Variants in SOS1 observed in about 807,000 individuals in gnomAD.
SOS1 encodes the protein SOS Ras/Rac guanine nucleotide exchange factor 1, also known as son of sevenless homolog 1.
A neutral mutation model predicts 157.6 loss-of-function variants in SOS1; 25 were observed. The ratio of observed to expected loss-of-function variants is 0.16; its 90% CI spans 0.12 to 0.22. The LOEUF (loss-of-function observed/expected upper bound fraction) is 0.22, where lower values mean the gene tolerates loss of function less well. Ranked by LOEUF, SOS1 falls within the 10% of genes least tolerant of loss-of-function variation. The probability of loss-of-function intolerance (pLI) is 1.00; values close to 1 mark genes in which losing one functional copy is unlikely to be tolerated. For synonymous variants in SOS1, 528 were observed against 534.0 expected, an observed-to-expected ratio of 0.99 and a Z score of 0.16; for missense variants, 1,237 against 1,599.1, an observed-to-expected ratio of 0.77 and a Z score of 3.86.
chr2:39,045,928 G>A (rs983339863), intron 6 of SOS1, among the ~76,000 whole-genome samples: 43 of 152,000 alleles, frequency 2.8e-4, no homozygotes, highest in Admixed American at 2.8e-3. Flanking sequence ...TGGCCAGGCT[G>A]GTCTCAAACT....
upstream of SOS1, among the ~76,000 whole-genome samples, chr2:39,122,561 G>C (rs1018440520): frequency 1.4e-4 from 21 of 152,090 alleles, no homozygotes; most frequent in African/African-American, 5.1e-4. Flanking sequence ...TTGAGTTCAG[G>C]AGTTTGAGAC....
intron 1 of SOS1, among the ~76,000 whole-genome samples, chr2:39,079,692 A>C (rs1672135850): frequency 6.6e-6 from 1 of 151,892 alleles, no homozygotes; most frequent in Admixed American, 6.6e-5. Flanking sequence ...ACAGAGTTTC[A>C]CCATGTTGGT....
rs746273555 is a variant in SOS1 at position 38,997,080 on chromosome 2, A to C, written c.2965-42T>G. ...GAAAAAATTATTAATATTCAAAATT[A>C]TAAATTCAGTTTGAAATTCATGGAA... On this transcript the variant is annotated intron_variant, in intron 18 of 22. Coordinates refer to ENST00000402219, the MANE Select transcript of SOS1 (RefSeq NM_005633.4). The C allele has an allele frequency of 3.4e-5, 39 of 1,149,748 alleles. No homozygotes were observed. The East Asian group carries it at 5.6e-4, about 17-fold the overall frequency. The allele number at this position is 1,149,748 out of a possible 1,614,324, so 71.2% of individuals were successfully genotyped here.
chr2:39,067,130 C>A lies in SOS1; in HGVS notation c.213+498G>T, dbSNP rs550540272. ...GGCTCAAGTGATCCTCCTGACTCAG[C>A]GTCCTGAGTAGCTGGGACTACAGGC... On this transcript the variant is annotated intron_variant, in intron 2 of 22. Transcript: ENST00000402219. Among the ~76,000 whole-genome samples the A allele has an allele frequency of 7.2e-5, 11 of 152,256 alleles. 1 individual carries two copies. In the East Asian group the frequency reaches 1.9e-3, roughly 27 times the overall value.
intron 3 of SOS1, among the ~76,000 whole-genome samples, chr2:39,057,614 A>C (rs746821840): frequency 3.9e-5 from 6 of 152,270 alleles, no homozygotes; most frequent in South Asian, 2.1e-4. Context: ...GGGTATCATG[A>C]TAAAGGTGTA....
At chr2:39,083,846 ATTG>A (rs1455401005) in intron 1 of SOS1, among the ~76,000 whole-genome samples, 1 of 152,150 alleles carries the variant, frequency 6.6e-6, no homozygotes, top group Non-Finnish European at 1.5e-5. Flanking sequence ...GTGGAATATG[ATTG>A]TTATGGGCTG....
intron 6 of SOS1, among the ~76,000 whole-genome samples, chr2:39,050,600 T>G (rs547577371): frequency 5.7e-4 from 87 of 152,338 alleles, no homozygotes; most frequent in African/African-American, 1.9e-3. Flanking sequence ...ATCCCAAATC[T>G]GAAATGCTCC....
At chr2:39,082,158 C>T (rs1401478555) in intron 1 of SOS1, among the ~76,000 whole-genome samples, 1 of 152,172 alleles carries the variant, frequency 6.6e-6, no homozygotes, top group Non-Finnish European at 1.5e-5. Flanking sequence ...ATTCTAATTA[C>T]TTTTTGTACC....
chr2:39,112,972 G>A (rs1178773801), intron 1 of SOS1, among the ~76,000 whole-genome samples: 2 of 151,790 alleles, frequency 1.3e-5, no homozygotes, highest in Non-Finnish European at 2.9e-5. Flanking sequence ...GGAGGTGGAG[G>A]CTACAGTGAG....
rs1471459621 is a variant in SOS1, at chr2:39,046,770, T to C, written c.864+4374A>G. ...TGCCCACCTTGGCCTCCCAAAGTGC[T>C]GGGATTACAGGTGCAAGCCACCGGC... On this transcript the variant is annotated intron_variant, in intron 6 of 22. Transcript: ENST00000402219. Among the ~76,000 whole-genome samples the C allele has an allele frequency of 2.6e-5, 4 of 152,308 alleles. No homozygotes were observed. In the East Asian group the frequency reaches 7.7e-4, roughly 29 times the overall value.
intron 8 of SOS1, among the ~76,000 whole-genome samples, chr2:39,028,854 T>C (rs1372715322): frequency 6.6e-6 from 1 of 152,206 alleles, no homozygotes; most frequent in Non-Finnish European, 1.5e-5. Context: ...AAAGATTAGG[T>C]TCACATTTCG....
intron 1 of SOS1, among the ~76,000 whole-genome samples, chr2:39,069,224 A>AAAG (rs1671707402): frequency 9.5e-6 from 1 of 104,850 alleles, no homozygotes; most frequent in East Asian, 2.5e-4. Flanking sequence ...AAAAAAAAAA[A>AAAG]GCCCAGTAGG....
chr2:39,069,344 T>A (rs887991131), intron 1 of SOS1, among the ~76,000 whole-genome samples: 2 of 151,780 alleles, frequency 1.3e-5, no homozygotes, highest in Non-Finnish European at 2.9e-5. Context: ...TAAACCACTG[T>A]ACTCCAGCCT....
intron 1 of SOS1, among the ~76,000 whole-genome samples, chr2:39,107,347 G>A (rs10177250): frequency 0.21 from 31,249 of 152,050 alleles, 5,600 homozygotes; most frequent in African/African-American, 0.48. Flanking sequence ...TGGCAGGCCT[G>A]TTCCCGGGAG....
chr2:39,046,209 C>T (rs1670777965), intron 6 of SOS1, among the ~76,000 whole-genome samples: 1 of 151,822 alleles, frequency 6.6e-6, no homozygotes, highest in Non-Finnish European at 1.5e-5. Context: ...TCCTTTTTCC[C>T]TATCTGTACA....
chr2:39,016,851 G>C (rs189556287), intron 10 of SOS1, among the ~76,000 whole-genome samples: 28 of 152,176 alleles, frequency 1.8e-4, no homozygotes, highest in African/African-American at 6.5e-4. Context: ...CAGAATAAAA[G>C]CCAAGTTCTA....
chr2:39,116,654 G>C (rs1023434608), intron 1 of SOS1, among the ~76,000 whole-genome samples: 1 of 152,188 alleles, frequency 6.6e-6, no homozygotes, highest in African/African-American at 2.4e-5. Flanking sequence ...CAGATGGCTT[G>C]AGCCCAGGAG....
chr2:39,020,903 C>CAA (rs5830553), intron 10 of SOS1, among the ~76,000 whole-genome samples: 10 of 151,312 alleles, frequency 6.6e-5, no homozygotes, highest in South Asian at 4.1e-4. Flanking sequence ...AGAAAAATAT[C>CAA]AAAAAACTTA....
chr2:38,999,922 A>G (rs1947432), intron 17 of SOS1, among the ~76,000 whole-genome samples: 142,969 of 152,294 alleles, frequency 0.94, 67,212 homozygotes, highest in African/African-American at 0.96. Context: ...TAGGTGTACT[A>G]TGAAGCCAGG....
Sources: gnomAD v4.1 joint callset for allele counts (sites outside exome capture counted in the v4.1 genomes callset) on GRCh38, gnomAD v4.1.1 for gene constraint, MANE v1.5 for transcripts, NCBI Gene and HGNC (gene_info 2026-07-23, HGNC 2026-07-21) for gene names.